The following CABLES1 variants were observed in gnomAD, a reference collection of about 807,000 sequenced individuals.
CABLES1 encodes the protein Cdk5 and Abl enzyme substrate 1.
CABLES1 carries 36 observed loss-of-function variants against 57.8 expected under a neutral mutation model. The observed-to-expected ratio is 0.62, with a 90% CI of 0.48 to 0.82. The LOEUF (loss-of-function observed/expected upper bound fraction) is 0.82. CABLES1 is among the 40% of genes least tolerant of loss of function. CABLES1 has a pLI of 0.00. For synonymous variants in CABLES1, 374 were observed against 363.0 expected (o/e 1.03, Z -0.35); for missense variants, 767 against 836.6 (o/e 0.92, Z 1.03).
At chr18:23,200,326 C>G (rs756393417) in intron 3 of CABLES1, among the ~76,000 whole-genome samples, 1 of 150,578 alleles carries the variant, frequency 6.6e-6, no homozygotes, top group Non-Finnish European at 1.5e-5. Flanking sequence ...GTGGTGTGAT[C>G]TCGGCTCACT....
At chr18:23,204,244 AC>A (rs1421783073) in intron 3 of CABLES1, 1 of 152,246 alleles carries the variant, frequency 6.6e-6, no homozygotes, top group Non-Finnish European at 1.5e-5. Context: ...CTGGGTCAGC[AC>A]CACACGCACC....
rs559531537 is a variant in CABLES1, at chr18:23,249,010, G to A, written c.1447-3950G>A. Among the ~76,000 whole-genome samples, 22 of 152,286 alleles carry A rather than the reference G, an allele frequency of 1.4e-4. No homozygotes were observed. The South Asian group carries it at 2.1e-3, about 14-fold the overall frequency. On this transcript the variant is annotated intron_variant, in intron 7 of 9. Transcript: ENST00000256925. The stretch of plus-strand genomic sequence containing the variant: ...CTGGCTTTGGACTTGGGAAACTGGC[G>A]CTGGCACTGGCTGCTGGCTCCAGAT...
In CABLES1 at chr18:23,135,621, CG is replaced by C. The variant is rs919849535; in HGVS notation, c.-135del. 707 of 652,064 alleles carry C rather than the reference CG, an allele frequency of 1.1e-3. 1 individual carries two copies. The highest frequency in any genetic ancestry group is 1.2e-3 in the Non-Finnish European group (657 of 526,792). The allele number at this position is 652,064 out of a possible 1,614,324, so 40.4% of individuals were successfully genotyped here. On this transcript the variant is annotated 5_prime_UTR_variant, in exon 1 of 10. The change abolishes the stop of an existing upstream ORF in the 5' untranslated region. Transcript: ENST00000256925. ...CCGAGGGGCGAGCATGGCCCGCCCG[CG>C]GGGGGGCTGGACCGCCGCGCACGCC...
intron 7 of CABLES1, among the ~76,000 whole-genome samples, chr18:23,238,324 T>C (rs1292224983): frequency 1.3e-5 from 2 of 152,260 alleles, no homozygotes; most frequent in Non-Finnish European, 2.9e-5. Context: ...TGCCAGTTAC[T>C]TTCAGCACTT....
intron 1 of CABLES1, among the ~76,000 whole-genome samples, chr18:23,159,782 T>C (rs1434147631): frequency 6.6e-6 from 1 of 152,338 alleles, no homozygotes; most frequent in African/African-American, 2.4e-5. Context: ...GCAGAAGCTC[T>C]TTATATCTTC....
intron 3 of CABLES1, among the ~76,000 whole-genome samples, chr18:23,204,204 G>C (rs558515176): frequency 6.6e-5 from 10 of 152,370 alleles, no homozygotes; most frequent in Middle Eastern, 3.4e-3. Flanking sequence ...TCGGCACTGA[G>C]AATACTGGTG....
At chr18:23,160,109 C>T (rs1176605180) in intron 1 of CABLES1, among the ~76,000 whole-genome samples, 2 of 151,452 alleles carry the variant, frequency 1.3e-5, no homozygotes, top group Non-Finnish European at 2.9e-5. Context: ...GCGATCTCCA[C>T]TCACTGCAAC....
chr18:23,201,586 G>A (rs1245771553), intron 3 of CABLES1, among the ~76,000 whole-genome samples: 2 of 152,134 alleles, frequency 1.3e-5, no homozygotes, highest in Non-Finnish European at 2.9e-5. Flanking sequence ...CAGGGTTTAG[G>A]GCAAGAGGAA....
intron 1 of CABLES1, chr18:23,155,974 T>G: frequency 6.2e-7 from 1 of 1,614,106 alleles, no homozygotes; most frequent in Non-Finnish European, 8.5e-7. Flanking sequence ...GAGGATCGCC[T>G]GGGTGACCCA....
chr18:23,251,408 G>C (rs889343392), intron 7 of CABLES1, among the ~76,000 whole-genome samples: 2 of 151,926 alleles, frequency 1.3e-5, no homozygotes, highest in African/African-American at 4.8e-5. Context: ...CCGAGATTGC[G>C]CCACTGTACT....
At position 23,234,691 on chromosome 18, in the gene CABLES1, G is replaced by A; in HGVS notation, c.1172G>A (p.Gly391Asp). ...EIIGLEGVEL[G>D]ADGKTVSYTQ... is the part of the protein sequence containing the mutation. ...ATTGGTCTGGAAGGTGTGGAGCTGG[G>A]TGCTGATGGGAAGGTAAGGCTGCCA... The change falls in exon 5 of 10, where the codon GGT (glycine) becomes GAT (aspartate). Residue 391 changes from glycine (G) to aspartate (D), a missense_variant. Physicochemically the swap from Gly to Asp is moderately conservative, Grantham distance 94 (BLOSUM62 -1). Around this residue, in one of 4 missense-constraint regions of CABLES1, gnomAD observed 529 missense variants for 622.8 expected, o/e 0.85. Coordinates refer to ENST00000256925, the MANE Select transcript of CABLES1 (RefSeq NM_001100619.3). The A allele has an allele frequency of 1.9e-6, 3 of 1,613,560 alleles. No individual in the cohort carries two copies. The highest frequency in any genetic ancestry group is 2.5e-6 in the Non-Finnish European group (3 of 1,179,782).
In CABLES1 at chr18:23,258,836, T is replaced by C. The variant is rs1456470780; in HGVS notation, c.*1469T>C. On this transcript the variant is annotated 3_prime_UTR_variant, in exon 10 of 10. Transcript: ENST00000256925. ...TTTCGTTAGCAGAGCTGTCAGATTC[T>C]TGACAGTCTTGGAGGATGGAGAAAT... is the stretch of plus-strand genomic sequence containing the variant. 4 of 152,164 alleles carry C rather than the reference T, an allele frequency of 2.6e-5. No homozygotes were observed. Among genetic ancestry groups the C allele is most frequent in the African/African-American group, 9.7e-5 (4 of 41,448 alleles). The allele number at this position is 152,164 out of a possible 1,614,324, so 9.4% of individuals were successfully genotyped here.
intron 1 of CABLES1, among the ~76,000 whole-genome samples, chr18:23,183,533 A>G (rs2047182030): frequency 6.6e-6 from 1 of 152,246 alleles, no homozygotes; most frequent in Non-Finnish European, 1.5e-5. Flanking sequence ...ACGCATGAGC[A>G]TTAAGCATGA....
chr18:23,253,701 CTG>C (rs1488284183), intron 8 of CABLES1, 26 bp from the exon 9 acceptor site: 1 of 1,595,218 alleles, frequency 6.3e-7, no homozygotes, highest in African/African-American at 1.3e-5. Context: ...TTTCACAAGA[CTG>C]TTCCCTCTTG....
chr18:23,229,542 T>C (rs545153456), intron 4 of CABLES1, among the ~76,000 whole-genome samples: 2 of 152,368 alleles, frequency 1.3e-5, no homozygotes, highest in South Asian at 4.1e-4. Context: ...TTCGACATTC[T>C]CTAGCTCTAT....
chr18:23,180,657 A>C (rs1377354240), intron 1 of CABLES1, among the ~76,000 whole-genome samples: 1 of 152,200 alleles, frequency 6.6e-6, no homozygotes, highest in African/African-American at 2.4e-5. Flanking sequence ...CTGCCGGTGC[A>C]TGCCACTAAG....
At chr18:23,192,011 T>C (rs1040106272) in intron 2 of CABLES1, among the ~76,000 whole-genome samples, 3 of 148,268 alleles carry the variant, frequency 2.0e-5, no homozygotes, top group African/African-American at 7.5e-5. Context: ...TAGAATTGGG[T>C]GCTGATATGG....
intron 2 of CABLES1, among the ~76,000 whole-genome samples, chr18:23,193,212 G>T (rs2047257983): frequency 8.7e-6 from 1 of 115,456 alleles, no homozygotes; most frequent in African/African-American, 4.2e-5. Flanking sequence ...TTTTTTTCCA[G>T]ACTGTGTCTC....
chr18:23,217,956 C>A (rs1431820876), intron 4 of CABLES1, among the ~76,000 whole-genome samples: 1 of 152,224 alleles, frequency 6.6e-6, no homozygotes, highest in Non-Finnish European at 1.5e-5. Flanking sequence ...CCCGGGCTGC[C>A]CCAGCCTGCC....
Sources: allele counts gnomAD v4.1 joint callset (sites outside exome capture counted in the v4.1 genomes callset), GRCh38; gene constraint gnomAD v4.1.1; regional missense constraint gnomAD v4.1.1; transcripts MANE v1.5; gene names NCBI Gene and HGNC (gene_info 2026-07-23, HGNC 2026-07-21).